The following WWOX variants were observed in gnomAD, a reference collection of about 807,000 sequenced individuals.
WWOX encodes WW domain containing oxidoreductase.
WWOX carries 69 observed loss-of-function variants against 46.2 expected under a neutral mutation model. That is an observed-to-expected ratio of 1.49 (90% CI 1.23 to 1.82). WWOX has a LOEUF of 1.82. Ranked by LOEUF, WWOX falls within the 40% of genes most tolerant of loss-of-function variation. The probability of loss-of-function intolerance (pLI) is 0.00; values close to 1 mark genes in which losing one functional copy is unlikely to be tolerated. For missense variants in WWOX, 919 were observed against 542.6 expected (o/e 1.69, Z -6.89); for synonymous variants, 359 against 202.6 (o/e 1.77, Z -6.56).
chr16:78,272,343 C>G (rs1001781891), intron 5 of WWOX, among the ~76,000 whole-genome samples: 4 of 152,168 alleles, frequency 2.6e-5, no homozygotes, highest in African/African-American at 9.7e-5. Flanking sequence ...TACACATGGC[C>G]TTTCCTGCAT....
intron 1 of WWOX, among the ~76,000 whole-genome samples, chr16:78,103,458 A>C (rs1456119701): frequency 1.3e-5 from 2 of 151,244 alleles, no homozygotes; most frequent in African/African-American, 4.9e-5. Flanking sequence ...TGGAGGGCTC[A>C]CTCTCTGGAC....
chr16:79,209,407 C>T (rs1165458980), intron 8 of WWOX, among the ~76,000 whole-genome samples: 1 of 152,174 alleles, frequency 6.6e-6, no homozygotes, highest in East Asian at 1.9e-4. Context: ...CTGCTTTTTG[C>T]TTTCCCAAAC....
intron 8 of WWOX, among the ~76,000 whole-genome samples, chr16:79,194,785 G>A (rs546869913): frequency 6.6e-5 from 10 of 152,116 alleles, no homozygotes; most frequent in African/African-American, 1.2e-4. Context: ...ATTTTTCCCC[G>A]TATTATACAT....
At chr16:78,567,641 A>G (rs560614722) in intron 8 of WWOX, among the ~76,000 whole-genome samples, 197 of 151,944 alleles carry the variant, frequency 1.3e-3, no homozygotes, top group African/African-American at 4.4e-3. Flanking sequence ...ATTGTATTTA[A>G]AGGGTGCCCT....
rs1273284314 is a variant in WWOX at position 78,550,026 on chromosome 16, C to G, written c.1056+117274C>G. Among the ~76,000 whole-genome samples, 3 of 152,336 alleles carry G rather than the reference C, an allele frequency of 2.0e-5. No individual in the cohort carries two copies. The South Asian group carries it at 6.2e-4, about 32-fold the overall frequency. ...ATGCCTAGGTTGAAAACACGCAATA[C>G]ACATTCAATAAATGTTCATGGTTGA... On this transcript the variant is annotated intron_variant, in intron 8 of 8. Coordinates refer to ENST00000566780, the MANE Select transcript of WWOX (RefSeq NM_016373.4).
At chr16:78,958,866 A>C (rs891944922) in intron 8 of WWOX, among the ~76,000 whole-genome samples, 3 of 152,208 alleles carry the variant, frequency 2.0e-5, no homozygotes, top group African/African-American at 7.2e-5. Flanking sequence ...ATTCAAAAGA[A>C]AAAAACATGT....
rs148234602 is a variant in WWOX at position 78,379,203 on chromosome 16, TA to T, written c.517-7656del. ...TTATGATCAATAAATACATGCAAATTAGAGCTTTTTAAATGAGATTCTGGAA... is the reference window on the plus strand; with the variant it reads ...TTATGATCAATAAATACATGCAAATTGAGCTTTTTAAATGAGATTCTGGAA... On this transcript the variant is annotated intron_variant, in intron 5 of 8. Transcript: ENST00000566780. 2.3e-3 allele frequency among the ~76,000 whole-genome samples: 348 copies of T among 152,326 alleles called. 2 individuals carry two copies. Among genetic ancestry groups the T allele is most frequent in the Admixed American group, 3.7e-3 (57 of 15,304 alleles).
At chr16:78,159,827 C>G (rs987218884) in intron 4 of WWOX, among the ~76,000 whole-genome samples, 1 of 151,708 alleles carries the variant, frequency 6.6e-6, no homozygotes, top group Non-Finnish European at 1.5e-5. Context: ...CGTGCAGAAG[C>G]TTTTTAGTTT....
At chr16:78,728,852 G>A (rs1402529123) in intron 8 of WWOX, among the ~76,000 whole-genome samples, 1 of 152,148 alleles carries the variant, frequency 6.6e-6, no homozygotes, top group Non-Finnish European at 1.5e-5. Flanking sequence ...TTGTGTTGGA[G>A]TTTCCTCCTT....
At chr16:78,734,787 C>T (rs936164632) in intron 8 of WWOX, among the ~76,000 whole-genome samples, 1 of 146,588 alleles carries the variant, frequency 6.8e-6, no homozygotes, top group African/African-American at 2.5e-5. Flanking sequence ...AATAGACTGA[C>T]CCTACTTCAA....
intron 8 of WWOX, chr16:78,553,133 G>A (rs754189901): frequency 1.3e-5 from 2 of 152,268 alleles, no homozygotes; most frequent in Non-Finnish European, 2.9e-5. Flanking sequence ...TGAGGAGTGG[G>A]GTTGGGGGAG....
At chr16:79,203,542 G>T (rs2051411435) in intron 8 of WWOX, 1 of 144,056 alleles carries the variant, frequency 6.9e-6, no homozygotes, top group Non-Finnish European at 1.5e-5. Flanking sequence ...CTATGTTATA[G>T]AATACTTATG....
chr16:79,157,266 A>C (rs2050399825), intron 8 of WWOX, among the ~76,000 whole-genome samples: 1 of 152,170 alleles, frequency 6.6e-6, no homozygotes, highest in South Asian at 2.1e-4. Flanking sequence ...GGTGGCCTTT[A>C]GTTCATTTTA....
At chr16:78,464,756 C>CT (rs2084034026) in intron 8 of WWOX, among the ~76,000 whole-genome samples, 1 of 152,122 alleles carries the variant, frequency 6.6e-6, no homozygotes, top group Non-Finnish European at 1.5e-5. Context: ...ATTCAGTCTC[C>CT]TTTTTGGAGA....
intron 8 of WWOX, among the ~76,000 whole-genome samples, chr16:78,959,859 C>G (rs1029541389): frequency 5.3e-5 from 8 of 152,174 alleles, no homozygotes; most frequent in Non-Finnish European, 1.2e-4. Context: ...GCCTGGTTTT[C>G]TTCTGGAGAG....
intron 8 of WWOX, among the ~76,000 whole-genome samples, chr16:79,163,389 A>G (rs2050525430): frequency 6.6e-6 from 1 of 152,194 alleles, no homozygotes; most frequent in African/African-American, 2.4e-5. Flanking sequence ...AGAAGTAGGA[A>G]TCGTCATTAA....
At chr16:79,055,402 G>A (rs2048243275) in intron 8 of WWOX, among the ~76,000 whole-genome samples, 1 of 152,058 alleles carries the variant, frequency 6.6e-6, no homozygotes, top group Non-Finnish European at 1.5e-5. Context: ...AATGGAATGT[G>A]GCTGAGTGGC....
intron 5 of WWOX, among the ~76,000 whole-genome samples, chr16:78,359,938 C>T (rs147639721): frequency 2.6e-5 from 4 of 152,280 alleles, no homozygotes; most frequent in African/African-American, 9.6e-5. Context: ...GAACAACACT[C>T]ATCTTGCAAA....
At chr16:78,437,137 A>T (rs1238842442) in intron 8 of WWOX, among the ~76,000 whole-genome samples, 3 of 152,160 alleles carry the variant, frequency 2.0e-5, no homozygotes, top group African/African-American at 7.2e-5. Flanking sequence ...TACAACCCAG[A>T]CTTGCGCTCG....
Sources: allele counts gnomAD v4.1 joint callset (sites outside exome capture counted in the v4.1 genomes callset), GRCh38; gene constraint gnomAD v4.1.1; transcripts MANE v1.5; gene names NCBI Gene and HGNC (gene_info 2026-07-23, HGNC 2026-07-21).